Variants in KIR3DL2 observed in about 807,000 individuals in gnomAD.
KIR3DL2 encodes killer cell immunoglobulin like receptor, three Ig domains and long cytoplasmic tail 2.
Under a neutral mutation model 41.6 loss-of-function variants are expected in KIR3DL2, and 42 were observed. The observed-to-expected ratio is 1.01, with a 90% CI of 0.79 to 1.31. The LOEUF is 1.31. KIR3DL2 is among the 50% of genes most tolerant of loss of function. The pLI is 0.00. For synonymous variants in KIR3DL2, 230 were observed against 221.3 expected (o/e 1.04, Z -0.35); for missense variants, 728 against 576.8 (o/e 1.26, Z -2.68).
rs771546334 is a variant in KIR3DL2 at position 54,852,044 on chromosome 19, G to A, written c.117G>A (p.Val39=). Residue 39 remains valine (V), a synonymous_variant, in exon 3 of 9, where the codon GTG becomes GTA. Transcript: ENST00000326321. The part of the protein sequence containing the change: ...PFLSARPSTV[V]PRGGHVALQC... ...TGTCTGCCCGGCCCAGCACTGTGGT[G>A]CCTCGAGGAGGACACGTGGCTCTTC... is the stretch of plus-strand genomic sequence containing the variant. The A allele has an allele frequency of 1.9e-6, 3 of 1,611,940 alleles. No individual in the cohort carries two copies. The highest frequency in any genetic ancestry group is 1.1e-5 in the South Asian group (1 of 91,060).
Position 54,866,526 on chromosome 19 carries a change from C to A in KIR3DL2, c.1163C>A (p.Ser388Tyr). Residue 388 changes from serine to tyrosine, a missense_variant, in exon 9 of 9, where the codon TCT (serine) becomes TAT (tyrosine). Coordinates refer to ENST00000326321, the MANE Select transcript of KIR3DL2 (RefSeq NM_006737.4). ...AGDRTVNRQD[S>Y]DEQDPQEVTY... is the part of the protein sequence containing the mutation. ...TCAGCATTTCCCTCTCTCCAGGACTCTGATGAACAAGACCCTCAGGAGGTG... is the reference window on the plus strand; with the variant it reads ...TCAGCATTTCCCTCTCTCCAGGACTATGATGAACAAGACCCTCAGGAGGTG... 2 of 1,614,054 alleles carry A rather than the reference C, an allele frequency of 1.2e-6. 1 individual carries two copies.
At chr19:54,851,945 G>A (rs113333413) in intron 2 of KIR3DL2, 53 bp from the exon 3 acceptor site, 3 of 1,585,502 alleles carry the variant, frequency 1.9e-6, no homozygotes, top group Non-Finnish European at 2.6e-6. Context: ...GCACAGGGAG[G>A]GAGGGGTGGC....
intron 3 of KIR3DL2, 94 bp downstream of exon 3, chr19:54,852,376 C>T: frequency 6.6e-7 from 1 of 1,521,282 alleles, no homozygotes; most frequent in South Asian, 1.2e-5. Flanking sequence ...TCACCCAGGC[C>T]CCAACTGTAT....
chr19:54,866,836 C>A lies in KIR3DL2; in HGVS notation c.*105C>A. 1.6e-6 allele frequency: 2 copies of A among 1,256,804 alleles called. No individual in the cohort carries two copies. Among genetic ancestry groups the A allele is most frequent in the Non-Finnish European group, 2.3e-6 (2 of 879,586 alleles). The allele number at this position is 1,256,804 out of a possible 1,614,324, so 77.9% of individuals were successfully genotyped here. A position where few individuals can be genotyped will look rare whatever the true frequency, so the allele number is the denominator to read the frequency against. ...TCTTAGGGGATCGCTCTTCCTCACA[C>A]CACGAATCTGAACATGCCTCTCTCT... On this transcript the variant is annotated 3_prime_UTR_variant, in exon 9 of 9. Transcript: ENST00000326321.
intron 5 of KIR3DL2, among the ~76,000 whole-genome samples, chr19:54,857,226 A>T (rs1350015814): frequency 6.6e-6 from 1 of 151,108 alleles, no homozygotes; most frequent in Non-Finnish European, 1.5e-5. Flanking sequence ...AATAGCTGTG[A>T]TTACAGGTGC....
At chr19:54,865,038 G>A (rs4806600) in intron 6 of KIR3DL2, among the ~76,000 whole-genome samples, 6,466 of 152,034 alleles carry the variant, frequency 0.043, 177 homozygotes, top group Middle Eastern at 0.092. Flanking sequence ...TCCCATCAAT[G>A]CCTAATTTAT....
Position 54,852,175 on chromosome 19 carries a change from G to C in KIR3DL2, c.248G>C (p.Gly83Ala). Reference protein sequence around the residue: ...GRIFQESFIMGPVTPAHAGTY... With the variant: ...GRIFQESFIMAPVTPAHAGTY... ...ATATTCCAGGAGAGCTTCATCATGG[G>C]CCCTGTGACCCCAGCACATGCAGGG... is the stretch of plus-strand genomic sequence containing the variant. Residue 83 changes from glycine to alanine, a missense_variant, in exon 3 of 9, where the codon GGC becomes GCC. Gly to Ala is a moderately conservative substitution (Grantham distance 60, BLOSUM62 0). Coordinates refer to ENST00000326321, the MANE Select transcript of KIR3DL2 (RefSeq NM_006737.4). The C allele has an allele frequency of 6.2e-7, 1 of 1,612,808 alleles. No homozygotes were observed. The highest frequency in any genetic ancestry group is 8.5e-7 in the Non-Finnish European group (1 of 1,179,546).
intron 4 of KIR3DL2, among the ~76,000 whole-genome samples, chr19:54,854,772 A>G (rs1358529931): frequency 6.6e-6 from 1 of 151,840 alleles, no homozygotes; most frequent in Non-Finnish European, 1.5e-5. Context: ...AGGGCAGAGG[A>G]GTGGAGAGAA....
chr19:54,861,611 T>C (rs1184297856), intron 6 of KIR3DL2, among the ~76,000 whole-genome samples: 3 of 151,170 alleles, frequency 2.0e-5, no homozygotes, highest in Admixed American at 2.0e-4. Context: ...ATCGCATCAC[T>C]GCACACCAGC....
In KIR3DL2 at chr19:54,852,230, C is replaced by A. The variant is rs146500655; in HGVS notation, c.303C>A (p.His101Gln). Residue 101 changes from histidine to glutamine, a missense_variant, in exon 3 of 9, where the codon CAC becomes CAA. Physicochemically the swap from His to Gln is conservative, Grantham distance 24 (BLOSUM62 0). Coordinates refer to ENST00000326321, the MANE Select transcript of KIR3DL2 (RefSeq NM_006737.4). ...ACAGATGTCGGGGTTCACGCCCACA[C>A]TCCCTCACTGGGTGGTCGGCACCCA... is the stretch of plus-strand genomic sequence containing the variant. Reference protein sequence around the residue: ...GTYRCRGSRPHSLTGWSAPSN... With the variant: ...GTYRCRGSRPQSLTGWSAPSN... 2.5e-6 allele frequency: 4 copies of A among 1,611,294 alleles called. No homozygotes were observed. Among genetic ancestry groups the A allele is most frequent in the Admixed American group, 3.3e-5 (2 of 59,882 alleles).
At chr19:54,865,074 T>C (rs1235733090) in intron 6 of KIR3DL2, among the ~76,000 whole-genome samples, 3 of 152,090 alleles carry the variant, frequency 2.0e-5, no homozygotes, top group Non-Finnish European at 4.4e-5. Flanking sequence ...TGAAGCGTTG[T>C]TGAATTTTGT....
chr19:54,862,264 C>T (rs2065229348), intron 6 of KIR3DL2, among the ~76,000 whole-genome samples: 1 of 152,046 alleles, frequency 6.6e-6, no homozygotes. Context: ...CTTGATTTCA[C>T]TTTTGTGTCC....
intron 6 of KIR3DL2, among the ~76,000 whole-genome samples, chr19:54,862,674 T>C (rs1353750731): frequency 1.3e-5 from 2 of 151,802 alleles, no homozygotes; most frequent in Non-Finnish European, 2.9e-5. Flanking sequence ...AAGCACTGCA[T>C]GACGTCCTCC....
At position 54,866,967 on chromosome 19, in the gene KIR3DL2, C is replaced by T. The variant is rs541639968; in HGVS notation, c.*236C>T. 567 of 580,610 alleles carry T rather than the reference C, an allele frequency of 9.8e-4. 7 individuals are homozygous for T. The highest frequency in any genetic ancestry group is 4.9e-3 in the South Asian group (229 of 46,942). The allele number at this position is 580,610 out of a possible 1,614,324, so 36.0% of individuals were successfully genotyped here. A position where few individuals can be genotyped will look rare whatever the true frequency, so the allele number is the denominator to read the frequency against. On this transcript the variant is annotated 3_prime_UTR_variant, in exon 9 of 9. Transcript: ENST00000326321. ...CTTGACCCCTGCCCACCTCTCCAAC[C>T]TAACTGGCTTACTTCCTAGTCCTAC...
chr19:54,866,145 T>C (rs1411446469), intron 7 of KIR3DL2, among the ~76,000 whole-genome samples: 1 of 151,962 alleles, frequency 6.6e-6, no homozygotes, highest in Non-Finnish European at 1.5e-5. Flanking sequence ...ATCCAGAAGC[T>C]TCCATGACAG....
At chr19:54,856,232 A>G (rs1047507915) in intron 5 of KIR3DL2, among the ~76,000 whole-genome samples, 1 of 151,582 alleles carries the variant, frequency 6.6e-6, no homozygotes, top group African/African-American at 2.4e-5. Flanking sequence ...CATTTCCCAG[A>G]AGCCCATCCT....
At chr19:54,851,885 A>G in intron 2 of KIR3DL2, 113 bp from the exon 3 acceptor site, 1 of 1,341,048 alleles carries the variant, frequency 7.5e-7, no homozygotes, top group South Asian at 1.2e-5. Flanking sequence ...AGCCCTGGGC[A>G]CCCAGGTGTG....
Position 54,866,552 on chromosome 19 carries a change from A to T in KIR3DL2, c.1189A>T (p.Thr397Ser), listed in dbSNP as rs1371481068. 6.2e-7 allele frequency: 1 copy of T among 1,613,968 alleles called. No homozygotes were observed. Among genetic ancestry groups the T allele is most frequent in the Non-Finnish European group, 8.5e-7 (1 of 1,179,962 alleles). The change falls in exon 9 of 9, where the codon ACG becomes TCG. Residue 397 changes from threonine (T) to serine (S), a missense_variant. Physicochemically the swap from Thr to Ser is moderately conservative, Grantham distance 58. Transcript: ENST00000326321. ...DSDEQDPQEV[T>S]YAQLDHCVFI... ...TGATGAACAAGACCCTCAGGAGGTG[A>T]CGTACGCACAGTTGGATCACTGCGT...
intron 4 of KIR3DL2, 62 bp from the exon 5 acceptor site, chr19:54,855,557 G>C (rs2064678858): frequency 2.5e-6 from 4 of 1,588,744 alleles, no homozygotes; most frequent in South Asian, 1.1e-5. Flanking sequence ...TCTCAGCTCA[G>C]GTATGAGGGG....
Sources: allele counts gnomAD v4.1 joint callset (sites outside exome capture counted in the v4.1 genomes callset), GRCh38; gene constraint gnomAD v4.1.1; transcripts MANE v1.5; gene names NCBI Gene and HGNC (gene_info 2026-07-23, HGNC 2026-07-21).